FHOD3: variants seen among roughly 807,000 people sequenced by gnomAD.
FHOD3 encodes the protein formin homology 2 domain containing 3.
FHOD3 carries 90 observed loss-of-function variants against 173.0 expected under a neutral mutation model. The observed-to-expected ratio is 0.52, with a 90% CI of 0.44 to 0.62. FHOD3 has a LOEUF of 0.62. Ranked by LOEUF, FHOD3 falls within the 20% of genes least tolerant of loss-of-function variation. The pLI is 0.00. For synonymous variants in FHOD3, 828 were observed against 823.0 expected (o/e 1.01, Z -0.10); for missense variants, 1,945 against 2,034.7 (o/e 0.96, Z 0.85).
At chr18:36,750,922 A>G (rs1327412065) in intron 24 of FHOD3, among the ~76,000 whole-genome samples, 2 of 152,176 alleles carry the variant, frequency 1.3e-5, no homozygotes, top group African/African-American at 2.4e-5. Context: ...TGATGCCTCC[A>G]GCTTTGTTCT....
At chr18:36,622,097 A>G (rs925983951) in intron 9 of FHOD3, among the ~76,000 whole-genome samples, 8 of 152,190 alleles carry the variant, frequency 5.3e-5, no homozygotes, top group African/African-American at 1.9e-4. Flanking sequence ...AAGGACAAAT[A>G]CTGCATATTT....
chr18:36,501,553 A>G (rs1276257861), intron 3 of FHOD3, among the ~76,000 whole-genome samples: 2 of 152,236 alleles, frequency 1.3e-5, no homozygotes, highest in Non-Finnish European at 2.9e-5. Context: ...GAAATAGTTT[A>G]TAAACTGGAA....
At chr18:36,584,914 GTAAAA>G (rs1411363181) in intron 6 of FHOD3, among the ~76,000 whole-genome samples, 18 of 151,986 alleles carry the variant, frequency 1.2e-4, no homozygotes, top group African/African-American at 4.3e-4. Flanking sequence ...TACAAAAAAA[GTAAAA>G]TAAAAATTAC....
At chr18:36,362,896 G>T (rs193087728) in intron 2 of FHOD3, among the ~76,000 whole-genome samples, 2 of 152,298 alleles carry the variant, frequency 1.3e-5, no homozygotes, top group East Asian at 3.9e-4. Context: ...TTTGCAAAAC[G>T]TATCTGATGG....
intron 3 of FHOD3, among the ~76,000 whole-genome samples, chr18:36,408,494 G>A (rs537400071): frequency 6.6e-6 from 1 of 152,154 alleles, no homozygotes; most frequent in Non-Finnish European, 1.5e-5. Context: ...GCATGGGGGG[G>A]TACAGGGGAA....
intron 3 of FHOD3, among the ~76,000 whole-genome samples, chr18:36,474,678 G>A (rs953928141): frequency 6.6e-6 from 1 of 152,130 alleles, no homozygotes; most frequent in African/African-American, 2.4e-5. Context: ...GAAGAAACAT[G>A]GGTGGCTAGG....
chr18:36,678,000 AT>A (rs1351873584), intron 14 of FHOD3, among the ~76,000 whole-genome samples: 1 of 152,200 alleles, frequency 6.6e-6, no homozygotes, highest in Non-Finnish European at 1.5e-5. Flanking sequence ...TGTAATTGCT[AT>A]TTCTATGTTT....
chr18:36,556,038 T>A (rs2057866341), intron 5 of FHOD3, among the ~76,000 whole-genome samples: 1 of 152,222 alleles, frequency 6.6e-6, no homozygotes, highest in Non-Finnish European at 1.5e-5. Flanking sequence ...TTATTGTGAC[T>A]AATGATATGG....
intron 2 of FHOD3, among the ~76,000 whole-genome samples, chr18:36,361,040 G>A (rs1482122050): frequency 6.6e-6 from 1 of 152,134 alleles, no homozygotes; most frequent in Non-Finnish European, 1.5e-5. Context: ...GGGTGCAGAA[G>A]GGAAGAAAGG....
intron 18 of FHOD3, 97 bp downstream of exon 18, chr18:36,709,488 G>A: frequency 7.4e-7 from 1 of 1,352,360 alleles, no homozygotes. Context: ...GGCCTCTGAG[G>A]TGACCTGGGT....
intron 3 of FHOD3, among the ~76,000 whole-genome samples, chr18:36,460,087 G>C (rs945536890): frequency 6.6e-6 from 1 of 152,128 alleles, no homozygotes; most frequent in Admixed American, 6.5e-5. Context: ...GCTTTCTAAT[G>C]TGCCATTCTC....
intron 5 of FHOD3, among the ~76,000 whole-genome samples, chr18:36,534,581 A>T (rs571162873): frequency 3.3e-5 from 5 of 152,150 alleles, no homozygotes; most frequent in Admixed American, 2.6e-4. Context: ...ATCTCAGCTC[A>T]CTGCAACTTC....
At chr18:36,445,865 G>C (rs575022705) in intron 3 of FHOD3, among the ~76,000 whole-genome samples, 18 of 152,088 alleles carry the variant, frequency 1.2e-4, no homozygotes, top group Non-Finnish European at 2.6e-4. Flanking sequence ...ATAGTTTCCT[G>C]GATCTTTACC....
intron 3 of FHOD3, among the ~76,000 whole-genome samples, chr18:36,415,885 G>A (rs1269819785): frequency 1.3e-5 from 2 of 152,142 alleles, no homozygotes. Context: ...AAAGAAATTT[G>A]GTCTTTGATT....
At chr18:36,623,465 T>C (rs959884153) in intron 9 of FHOD3, among the ~76,000 whole-genome samples, 5 of 152,256 alleles carry the variant, frequency 3.3e-5, no homozygotes, top group African/African-American at 1.2e-4. Flanking sequence ...TATGTGGTTG[T>C]TCTCAAACTT....
chr18:36,417,511 A>G (rs2049730465), intron 3 of FHOD3, among the ~76,000 whole-genome samples: 1 of 152,156 alleles, frequency 6.6e-6, no homozygotes, highest in African/African-American at 2.4e-5. Context: ...GCTATTGTGA[A>G]TAGTGCTGCA....
chr18:36,484,351 A>G (rs1053434303), intron 3 of FHOD3, among the ~76,000 whole-genome samples: 3 of 148,476 alleles, frequency 2.0e-5, no homozygotes, highest in African/African-American at 7.5e-5. Context: ...ATGTGCGTGG[A>G]CTCCTATGTC....
chr18:36,395,210 G>C (rs761722714), intron 3 of FHOD3, among the ~76,000 whole-genome samples: 2 of 150,268 alleles, frequency 1.3e-5, no homozygotes, highest in Non-Finnish European at 3.0e-5. Flanking sequence ...TCTGTATCTA[G>C]GGAGGCTGAG....
At chr18:36,551,364 C>A (rs1162008726) in intron 5 of FHOD3, among the ~76,000 whole-genome samples, 1 of 151,936 alleles carries the variant, frequency 6.6e-6, no homozygotes, top group African/African-American at 2.4e-5. Flanking sequence ...TTTGTTGTGG[C>A]AATGCTGGTC....
Sources: gnomAD v4.1 joint callset for allele counts (sites outside exome capture counted in the v4.1 genomes callset) on GRCh38, gnomAD v4.1.1 for gene constraint, MANE v1.5 for transcripts, NCBI Gene and HGNC (gene_info 2026-07-23, HGNC 2026-07-21) for gene names.